Variants in HERC3 observed in about 807,000 individuals in gnomAD.
HERC3 encodes the protein HECT and RLD domain containing E3 ubiquitin protein ligase 3.
In HERC3, 58 loss-of-function variants were observed where a neutral mutation model predicts 129.9. The observed-to-expected ratio is 0.45, with a 90% CI of 0.36 to 0.56. The LOEUF (loss-of-function observed/expected upper bound fraction) is 0.56, where lower values mean the gene tolerates loss of function less well. Among genes scored for constraint, HERC3 ranks in the 20% least tolerant of loss-of-function variants. The probability of loss-of-function intolerance (pLI) is 0.00; values close to 1 mark genes in which losing one functional copy is unlikely to be tolerated. For synonymous variants in HERC3, 430 were observed against 451.0 expected, an observed-to-expected ratio of 0.95 and a Z score of 0.59; for missense variants, 835 against 1,244.2, an observed-to-expected ratio of 0.67 and a Z score of 4.95.
the HERC3 span, among the ~76,000 whole-genome samples, chr4:88,567,876 T>C: frequency 1.3e-5 from 2 of 152,204 alleles, no homozygotes; most frequent in Non-Finnish European, 2.9e-5. Context: ...TGAAAAGCTA[T>C]GTATTTATTT....
At chr4:88,638,423 A>G (rs953063850) in intron 3 of HERC3, among the ~76,000 whole-genome samples, 4 of 152,366 alleles carry the variant, frequency 2.6e-5, no homozygotes, top group Admixed American at 1.3e-4. Context: ...CCTGGGATGC[A>G]AGGCTGGTTC....
At chr4:88,548,283 C>T in the HERC3 span, among the ~76,000 whole-genome samples, 3 of 152,242 alleles carry the variant, frequency 2.0e-5, no homozygotes, top group African/African-American at 7.2e-5. Context: ...GACTGTTTTC[C>T]AAAGCGGCTG....
intron 3 of HERC3, among the ~76,000 whole-genome samples, chr4:88,619,994 C>G (rs1207304877): frequency 6.6e-6 from 1 of 152,222 alleles, no homozygotes; most frequent in Non-Finnish European, 1.5e-5. Flanking sequence ...TCTTGTAATA[C>G]AGTCAACTGG....
intron 23 of HERC3, chr4:88,696,985 C>T (rs986453005): frequency 3.1e-5 from 14 of 447,354 alleles, no homozygotes; most frequent in Non-Finnish European, 5.1e-5. Context: ...TTTTCTTTAA[C>T]ACCTTTTGAT....
chr4:88,590,887 C>CTT (rs11333423), upstream of HERC3, among the ~76,000 whole-genome samples: 37 of 137,728 alleles, frequency 2.7e-4, no homozygotes, highest in Admixed American at 4.3e-4. Context: ...CTTTTTCTTT[C>CTT]TTTTTTTTTT....
At chr4:88,622,494 T>C (rs902021973) in intron 3 of HERC3, among the ~76,000 whole-genome samples, 6 of 152,340 alleles carry the variant, frequency 3.9e-5, no homozygotes, top group African/African-American at 1.4e-4. Flanking sequence ...CTCCTAGGTA[T>C]GTACCTAGAA....
chr4:88,538,251 A>G, the HERC3 span, among the ~76,000 whole-genome samples: 2 of 152,196 alleles, frequency 1.3e-5, no homozygotes, highest in Admixed American at 1.3e-4. Context: ...TTCTCTCACT[A>G]GATTCAGTTG....
At chr4:88,663,001 A>G (rs1578266866) in intron 11 of HERC3, among the ~76,000 whole-genome samples, 2 of 124,266 alleles carry the variant, frequency 1.6e-5, no homozygotes, top group Non-Finnish European at 3.1e-5. Flanking sequence ...AGTCATGTAG[A>G]AAAAAAAAAA....
chr4:88,625,020 T>C (rs549914287), intron 3 of HERC3, among the ~76,000 whole-genome samples: 117 of 152,332 alleles, frequency 7.7e-4, no homozygotes, highest in Non-Finnish European at 9.7e-4. Flanking sequence ...TGTGTGCTCG[T>C]CTTTTTGTGG....
chr4:88,611,757 C>A (rs532641010), intron 3 of HERC3, among the ~76,000 whole-genome samples: 4 of 152,280 alleles, frequency 2.6e-5, no homozygotes, highest in African/African-American at 9.6e-5. Context: ...AATGCCTGAC[C>A]ATCAACACTT....
At chr4:88,663,286 G>T (rs1730695724) in intron 11 of HERC3, among the ~76,000 whole-genome samples, 2 of 152,132 alleles carry the variant, frequency 1.3e-5, no homozygotes, top group South Asian at 4.1e-4. Flanking sequence ...GTGAGTGAGA[G>T]AGCATTAGAA....
At chr4:88,673,189 C>G (rs1731794820) in intron 16 of HERC3, among the ~76,000 whole-genome samples, 1 of 152,160 alleles carries the variant, frequency 6.6e-6, no homozygotes, top group Admixed American at 6.5e-5. Context: ...CTAGATAAAG[C>G]TCGACATCTT....
chr4:88,591,738 G>A (rs948108790), upstream of HERC3, among the ~76,000 whole-genome samples: 35 of 152,266 alleles, frequency 2.3e-4, no homozygotes, highest in African/African-American at 8.4e-4. Flanking sequence ...AGGGAAAAGT[G>A]GAAGAGGACA....
Position 88,635,690 on chromosome 4 carries a change from C to T in HERC3, c.227-14150C>T, listed in dbSNP as rs114558765. Among the ~76,000 whole-genome samples the T allele has an allele frequency of 2.4e-3, 367 of 152,076 alleles. 2 individuals carry two copies. Among genetic ancestry groups the T allele is most frequent in the African/African-American group, 8.6e-3 (358 of 41,474 alleles). Reference sequence around the variant, plus strand: ...CTCTATGAGAAGATCAACTCTAAGGCACATAATCGGATTCACCAAGGTCAA... The same window carrying T: ...CTCTATGAGAAGATCAACTCTAAGGTACATAATCGGATTCACCAAGGTCAA... On this transcript the variant is annotated intron_variant, in intron 3 of 25. Coordinates refer to ENST00000402738, the MANE Select transcript of HERC3 (RefSeq NM_014606.3).
Position 88,676,504 on chromosome 4 carries a change from GAGA to G in HERC3, c.2025+83_2025+85del, listed in dbSNP as rs1182328816. ...ATTCAGTTGTAATTTTTTCTAGTAG[GAGA>G]AAACATATTTGGTTGAAATTCCATT... On this transcript the variant is annotated intron_variant, in intron 18 of 25. Coordinates refer to ENST00000402738, the MANE Select transcript of HERC3 (RefSeq NM_014606.3). The G allele has an allele frequency of 4.1e-6, 4 of 964,908 alleles. No individual in the cohort carries two copies. The African/African-American group carries it at 5.0e-5, about 12-fold the overall frequency. The allele number at this position is 964,908 out of a possible 1,614,324, so 59.8% of individuals were successfully genotyped here. A position where few individuals can be genotyped will look rare whatever the true frequency, so the allele number is the denominator to read the frequency against.
rs143134995 is a variant in HERC3 at position 88,613,674 on chromosome 4, C to T, written c.226+7625C>T. Among the ~76,000 whole-genome samples, 909 of 152,224 alleles carry T rather than the reference C, an allele frequency of 6.0e-3. 22 individuals carry two copies. The highest frequency in any genetic ancestry group is 2.3e-3 in the Non-Finnish European group (159 of 68,012). On this transcript the variant is annotated intron_variant, in intron 3 of 25. Coordinates refer to ENST00000402738, the MANE Select transcript of HERC3 (RefSeq NM_014606.3). ...GTAATGACTTCCTGTTATTGAAGTG[C>T]GTGTTTCTATGGGCATAACGCTGAT...
At chr4:88,681,422 TA>T (rs1348384801) in intron 21 of HERC3, 97 bp downstream of exon 21, 4 of 1,053,870 alleles carry the variant, frequency 3.8e-6, no homozygotes, top group Admixed American at 4.6e-5. Flanking sequence ...AATCTGAGTT[TA>T]TTGCATCCTG....
intron 23 of HERC3, chr4:88,696,326 G>A (rs570821115): frequency 1.3e-5 from 2 of 152,706 alleles, no homozygotes; most frequent in East Asian, 3.9e-4. Flanking sequence ...ACGTCACAAG[G>A]CGCAAAGTAC....
chr4:88,701,473 A>G (rs1003737219), intron 23 of HERC3, among the ~76,000 whole-genome samples: 1 of 152,246 alleles, frequency 6.6e-6, no homozygotes, highest in African/African-American at 2.4e-5. Flanking sequence ...GTATTAAATT[A>G]CAGTGATGGA....
Sources: gnomAD v4.1 joint callset for allele counts (sites outside exome capture counted in the v4.1 genomes callset) on GRCh38, gnomAD v4.1.1 for gene constraint, MANE v1.5 for transcripts, NCBI Gene and HGNC (gene_info 2026-07-23, HGNC 2026-07-21) for gene names.